The following PRR12 variants were observed in gnomAD, a reference collection of about 807,000 sequenced individuals.
The protein encoded by PRR12 is proline rich 12.
A neutral mutation model predicts 138.0 loss-of-function variants in PRR12; 12 were observed. That is an observed-to-expected ratio of 0.09 (90% CI 0.06 to 0.14). The LOEUF (loss-of-function observed/expected upper bound fraction) is 0.14. Among genes scored for constraint, PRR12 ranks in the 10% least tolerant of loss-of-function variants. PRR12 has a pLI of 1.00. For missense variants in PRR12, 2,692 were observed against 2,861.3 expected, an observed-to-expected ratio of 0.94 and a Z score of 1.35; for synonymous variants, 1,567 against 1,291.7, an observed-to-expected ratio of 1.21 and a Z score of -4.57.
chr19:49,614,691 C>A lies in PRR12; in HGVS notation c.4890+42C>A. The A allele has an allele frequency of 1.3e-6, 2 of 1,519,494 alleles. No individual in the cohort carries two copies. Among genetic ancestry groups the A allele is most frequent in the African/African-American group, 1.4e-5 (1 of 72,426 alleles). The allele number at this position is 1,519,494 out of a possible 1,614,324, so 94.1% of individuals were successfully genotyped here. ...GACCAAGGACTTGGGGGCCCCGGGG[C>A]GTGGTATCTAGGAGCTGGGGTTCCC... On this transcript the variant is annotated intron_variant, in intron 7 of 13. Transcript: ENST00000418929. The surrounding 1 kb of genome is among the most constrained non-coding windows in gnomAD (Gnocchi z 5.0).
At chr19:49,618,580 G>T (rs751747226) in intron 9 of PRR12, among the ~76,000 whole-genome samples, 1 of 152,154 alleles carries the variant, frequency 6.6e-6, no homozygotes, top group East Asian at 1.9e-4. Flanking sequence ...TAGAGATGAG[G>T]TTTCACCATG....
At chr19:49,622,908 C>CATATATATATATATATATAT (rs61466559) in intron 11 of PRR12, among the ~76,000 whole-genome samples, 1 of 97,220 alleles carries the variant, frequency 1.0e-5, no homozygotes, top group African/African-American at 5.6e-5. Flanking sequence ...AAAACAAAAA[C>CATATATATATATATATATAT]ATATATATAT....
At chr19:49,615,677 G>A in intron 8 of PRR12, 70 bp from the exon 9 acceptor site, 1 of 1,326,946 alleles carries the variant, frequency 7.5e-7, no homozygotes, top group South Asian at 1.3e-5. Flanking sequence ...AGGGCACTGA[G>A]CAGGGACCCT....
chr19:49,610,948 G>T (rs1441030278), intron 6 of PRR12, among the ~76,000 whole-genome samples: 1 of 151,620 alleles, frequency 6.6e-6, no homozygotes, highest in Non-Finnish European at 1.5e-5. Context: ...AGGTTCAAGT[G>T]ATTGTCCCCT....
chr19:49,617,483 T>G (rs2080898879), intron 9 of PRR12, among the ~76,000 whole-genome samples: 1 of 151,862 alleles, frequency 6.6e-6, no homozygotes, highest in Non-Finnish European at 1.5e-5. Flanking sequence ...TTTTAAAAAT[T>G]AGCTGGGCTT....
At chr19:49,621,479 C>T in intron 10 of PRR12, 46 bp from the exon 11 acceptor site, 1 of 1,473,992 alleles carries the variant, frequency 6.8e-7, no homozygotes. Flanking sequence ...GGCCCCAGTG[C>T]TTTGTGAGGC....
intron 8 of PRR12, 85 bp downstream of exon 8, chr19:49,615,094 A>T: frequency 6.4e-7 from 1 of 1,550,628 alleles, no homozygotes. Context: ...AAGGCTGGAG[A>T]GTGGGGGGTG....
chr19:49,604,503 G>C (rs6509440), intron 6 of PRR12, among the ~76,000 whole-genome samples: 64,475 of 151,656 alleles, frequency 0.43, 15,486 homozygotes, highest in African/African-American at 0.66. Context: ...CATGATGAAA[G>C]CCCATCTCTA....
In PRR12 at chr19:49,616,712, G is replaced by C. The variant is rs533964339; in HGVS notation, c.5497+493G>C. ...GAGGCATAACCTCTTGTGCCTTAGT[G>C]ACCTCACCTGTAAAATGGGTTCATA... On this transcript the variant is annotated intron_variant, in intron 9 of 13. Coordinates refer to ENST00000418929, the MANE Select transcript of PRR12 (RefSeq NM_020719.3). This position sits in a 1 kb window ranked among gnomAD's most constrained non-coding sequence, Gnocchi z 4.2. Among the ~76,000 whole-genome samples the C allele has an allele frequency of 1.3e-5, 2 of 152,272 alleles. No individual in the cohort carries two copies. Among genetic ancestry groups the C allele is most frequent in the African/African-American group, 4.8e-5 (2 of 41,546 alleles).
intron 6 of PRR12, among the ~76,000 whole-genome samples, chr19:49,613,352 A>T (rs1022453320): frequency 6.7e-6 from 1 of 149,476 alleles, no homozygotes; most frequent in Non-Finnish European, 1.5e-5. Flanking sequence ...AAAAAAAAAA[A>T]TCTGAGGCCC....
At chr19:49,605,416 C>G (rs996949100) in intron 6 of PRR12, among the ~76,000 whole-genome samples, 2 of 151,954 alleles carry the variant, frequency 1.3e-5, no homozygotes, top group African/African-American at 4.8e-5. Context: ...GCATGTGCCA[C>G]CATGCCTGGC....
At position 49,596,930 on chromosome 19, in the gene PRR12, C is replaced by T. The variant is rs760066216; in HGVS notation, c.2595C>T (p.Ser865=). Residue 865 remains serine, a synonymous_variant, in exon 4 of 14, where the codon AGC becomes AGT. Coordinates refer to ENST00000418929, the MANE Select transcript of PRR12 (RefSeq NM_020719.3). This position sits in a 1 kb window ranked among gnomAD's most constrained non-coding sequence, Gnocchi z 5.6. ...RSHGLEPAAP[S]PRLRPEESLD... ...ATGGCCTGGAGCCCGCGGCCCCCAG[C>T]CCCCGCCTGCGACCCGAGGAGAGCC... 6.5e-6 allele frequency: 10 copies of T among 1,548,718 alleles called. No individual in the cohort carries two copies. Among genetic ancestry groups the T allele is most frequent in the East Asian group, 2.4e-5 (1 of 41,446 alleles).
At position 49,625,730 on chromosome 19, in the gene PRR12, G is replaced by A; in HGVS notation, c.*123G>A. ...GAAAGGGGGTCATGGGTCAGGGTGTGTCTGTGCTGCCCCCTCCAGGGCAGG... is the reference window on the plus strand; with the variant it reads ...GAAAGGGGGTCATGGGTCAGGGTGTATCTGTGCTGCCCCCTCCAGGGCAGG... On this transcript the variant is annotated 3_prime_UTR_variant, in exon 14 of 14. Transcript: ENST00000418929. The surrounding 1 kb of genome is among the most constrained non-coding windows in gnomAD (Gnocchi z 5.5). The A allele has an allele frequency of 7.6e-7, 1 of 1,322,282 alleles. No homozygotes were observed. The highest frequency in any genetic ancestry group is 1.0e-6 in the Non-Finnish European group (1 of 999,374). 81.9% of individuals were successfully genotyped at this position (1,322,282 alleles called of 1,614,324 possible).
In PRR12 at chr19:49,607,821, C is replaced by A. The variant is rs966273461; in HGVS notation, c.4773+5903C>A. 2.0e-5 allele frequency among the ~76,000 whole-genome samples: 3 copies of A among 152,004 alleles called. No individual in the cohort carries two copies. The South Asian group carries it at 6.2e-4, about 31-fold the overall frequency. ...GTCACCTGAGGTCCGGAGTTCAAGA[C>A]CAGCCTGGTCAACATAGTGAAACAC... is the stretch of plus-strand genomic sequence containing the variant. On this transcript the variant is annotated intron_variant, in intron 6 of 13. Coordinates refer to ENST00000418929, the MANE Select transcript of PRR12 (RefSeq NM_020719.3).
chr19:49,593,557 C>G, intron 2 of PRR12, 118 bp downstream of exon 2: 1 of 597,092 alleles, frequency 1.7e-6, no homozygotes, highest in Non-Finnish European at 3.0e-6. Context: ...GTGGCCCGCC[C>G]CTTGCTGTGT....
chr19:49,603,607 A>C (rs535711786), intron 6 of PRR12, among the ~76,000 whole-genome samples: 123 of 152,152 alleles, frequency 8.1e-4, no homozygotes, highest in Non-Finnish European at 1.6e-3. Flanking sequence ...AAGGAGGATC[A>C]CTTGAACTCT....
chr19:49,608,885 A>G (rs1319546065), intron 6 of PRR12, among the ~76,000 whole-genome samples: 1 of 152,032 alleles, frequency 6.6e-6, no homozygotes, highest in Non-Finnish European at 1.5e-5. Flanking sequence ...AAAGCTCAAG[A>G]ACCACTTGTG....
rs772170943 is a variant in PRR12, at chr19:49,595,531, C to T, written c.1196C>T (p.Ala399Val). 6.3e-7 allele frequency: 1 copy of T among 1,575,376 alleles called. No individual in the cohort carries two copies. Among genetic ancestry groups the T allele is most frequent in the East Asian group, 2.3e-5 (1 of 42,710 alleles). The change falls in exon 4 of 14, where the codon GCT becomes GTT. Residue 399 changes from alanine (A) to valine (V), a missense_variant. By Grantham distance (64) the Ala-to-Val change is moderately conservative. This residue lies in a region of PRR12 where 523 missense variants were observed against 496.4 expected (regional missense o/e 1.05). Coordinates refer to ENST00000418929, the MANE Select transcript of PRR12 (RefSeq NM_020719.3). Reference protein sequence around the residue: ...YKTGKGGYGAAAGGATRPPPP... With the variant: ...YKTGKGGYGAVAGGATRPPPP... ...ACGGGCAAAGGTGGTTATGGAGCAG[C>T]TGCCGGGGGTGCCACCAGGCCCCCC...
Position 49,594,600 on chromosome 19 carries a change from C to A in PRR12, c.346C>A (p.Pro116Thr). Residue 116 changes from proline to threonine, a missense_variant, in exon 3 of 14, where the codon CCT (proline) becomes ACT (threonine). Physicochemically the swap from Pro to Thr is conservative, Grantham distance 38. This residue lies in a region of PRR12 where 211 missense variants were observed against 266.3 expected (regional missense o/e 0.79). Transcript: ENST00000418929. This position sits in a 1 kb window ranked among gnomAD's most constrained non-coding sequence, Gnocchi z 5.6. The stretch of plus-strand genomic sequence containing the variant: ...CTCTCTCCTCTCCCAGTTCCGCAGT[C>A]CTTCCTGGCAAACAGGTAAGCCCAG... ...ASSLLSQFRSPSWQTAMHTPG... is the reference protein window; with the variant it reads ...ASSLLSQFRSTSWQTAMHTPG... 3 of 1,612,490 alleles carry A rather than the reference C, an allele frequency of 1.9e-6. No homozygotes were observed. Among genetic ancestry groups the A allele is most frequent in the Non-Finnish European group, 2.5e-6 (3 of 1,179,662 alleles).
Sources: allele counts gnomAD v4.1 joint callset (sites outside exome capture counted in the v4.1 genomes callset), GRCh38; gene constraint gnomAD v4.1.1; regional missense constraint gnomAD v4.1.1; non-coding constraint Gnocchi (gnomAD v3.1); transcripts MANE v1.5; gene names NCBI Gene and HGNC (gene_info 2026-07-23, HGNC 2026-07-21).